Variants in TLL1 observed in about 807,000 individuals in gnomAD.
TLL1 encodes the protein tolloid like 1.
Under a neutral mutation model 128.2 loss-of-function variants are expected in TLL1, and 49 were observed. The ratio of observed to expected loss-of-function variants is 0.38; its 90% CI spans 0.30 to 0.48. The LOEUF is 0.48. Ranked by LOEUF, TLL1 falls within the 20% of genes least tolerant of loss-of-function variation. TLL1 has a pLI of 0.96. For missense variants in TLL1, 1,123 were observed against 1,242.0 expected (o/e 0.90, Z 1.44); for synonymous variants, 454 against 418.8 (o/e 1.08, Z -1.03).
chr4:166,073,181 G>A (rs1187470101), intron 16 of TLL1, among the ~76,000 whole-genome samples: 1 of 151,776 alleles, frequency 6.6e-6, no homozygotes, highest in Non-Finnish European at 1.5e-5. Flanking sequence ...AAGGTAAAGA[G>A]CCTCTAGAAA....
intron 8 of TLL1, among the ~76,000 whole-genome samples, chr4:166,019,568 T>C (rs1463780539): frequency 1.3e-5 from 2 of 152,162 alleles, no homozygotes; most frequent in African/African-American, 4.8e-5. Context: ...TTGTAGAGGT[T>C]AATCTTGAAA....
At chr4:165,899,961 C>A (rs141066287) in intron 1 of TLL1, among the ~76,000 whole-genome samples, 140 of 151,950 alleles carry the variant, frequency 9.2e-4, no homozygotes, top group African/African-American at 3.3e-3. Context: ...GATCCCTTTA[C>A]CATTATGTAA....
chr4:165,990,200 G>C (rs947257210), intron 2 of TLL1, among the ~76,000 whole-genome samples: 3 of 151,508 alleles, frequency 2.0e-5, no homozygotes, highest in African/African-American at 7.3e-5. Flanking sequence ...GTAGTATCTT[G>C]GTAAAATTTT....
intron 1 of TLL1, among the ~76,000 whole-genome samples, chr4:165,882,441 G>A (rs938009591): frequency 4.0e-5 from 6 of 151,866 alleles, no homozygotes; most frequent in Non-Finnish European, 7.4e-5. Context: ...AAGACCTAGT[G>A]GAAAATTTTC....
chr4:166,070,066 T>C (rs1026707629), intron 16 of TLL1, among the ~76,000 whole-genome samples: 2 of 151,844 alleles, frequency 1.3e-5, no homozygotes, highest in Admixed American at 6.6e-5. Flanking sequence ...CTAGAAGATA[T>C]ATAGTCCAAC....
chr4:166,033,774 G>T (rs1416851711), intron 9 of TLL1, among the ~76,000 whole-genome samples: 2 of 152,150 alleles, frequency 1.3e-5, no homozygotes, highest in African/African-American at 4.8e-5. Context: ...CATGGTTCAT[G>T]CTGGCAACAA....
At chr4:165,947,566 G>T (rs1734316847) in intron 1 of TLL1, among the ~76,000 whole-genome samples, 1 of 152,094 alleles carries the variant, frequency 6.6e-6, no homozygotes, top group South Asian at 2.1e-4. Context: ...TGTCAGCAAA[G>T]AATGCACTGG....
rs911584584 is a variant in TLL1 at position 166,030,532 on chromosome 4, T to A, written c.1158+5101T>A. Reference sequence around the variant, plus strand: ...TGATGTCATACCACTTGTCTACTTTTAGTTTTATTGCCTGTGCTTTTGGTG... The same window carrying A: ...TGATGTCATACCACTTGTCTACTTTAAGTTTTATTGCCTGTGCTTTTGGTG... On this transcript the variant is annotated intron_variant, in intron 9 of 20. Transcript: ENST00000061240. 3 of 612,204 alleles carry A rather than the reference T, an allele frequency of 4.9e-6. No homozygotes were observed. In the African/African-American group the frequency reaches 5.5e-5, roughly 11 times the overall value. 37.9% of individuals were successfully genotyped at this position (612,204 alleles called of 1,614,324 possible).
chr4:165,971,609 C>CT (rs1430894306), intron 1 of TLL1, among the ~76,000 whole-genome samples: 1 of 152,180 alleles, frequency 6.6e-6, no homozygotes, highest in East Asian at 1.9e-4. Flanking sequence ...TCTCTGAATG[C>CT]TGAGAGTCCA....
At chr4:166,081,217 G>T (rs1305568428) in intron 18 of TLL1, among the ~76,000 whole-genome samples, 1 of 152,048 alleles carries the variant, frequency 6.6e-6, no homozygotes, top group African/African-American at 2.4e-5. Flanking sequence ...TTTGTTTTTG[G>T]TTTTATTTTG....
chr4:165,892,421 C>G (rs933265241), intron 1 of TLL1, among the ~76,000 whole-genome samples: 1 of 152,142 alleles, frequency 6.6e-6, no homozygotes, highest in African/African-American at 2.4e-5. Flanking sequence ...GTAAGAGGCA[C>G]CATAATGCTT....
chr4:166,090,811 T>A (rs751327002), intron 18 of TLL1, among the ~76,000 whole-genome samples: 7 of 152,074 alleles, frequency 4.6e-5, no homozygotes, highest in Non-Finnish European at 8.8e-5. Context: ...TTCTGATGAA[T>A]CCTTTGGATT....
chr4:166,044,579 T>C, intron 12 of TLL1: 1 of 684,102 alleles, frequency 1.5e-6, no homozygotes, highest in Non-Finnish European at 2.3e-6. Flanking sequence ...CATTTTTTTT[T>C]TGTACTTTTG....
chr4:166,060,144 A>G lies in TLL1; in HGVS notation c.1963A>G (p.Arg655Gly). 1 of 1,613,886 alleles carries G rather than the reference A, an allele frequency of 6.2e-7. No individual in the cohort carries two copies. The highest frequency in any genetic ancestry group is 8.5e-7 in the Non-Finnish European group (1 of 1,179,888). ...VWQVVAPTQY[R>G]ISVKFEFFEL... ...GCAAGTGGTTGCACCAACCCAGTAC[A>G]GAATTTCTGTGAAGTTTGAGTTTTT... The change falls in exon 15 of 21, where the codon AGA becomes GGA. Residue 655 changes from arginine (R) to glycine (G), a missense_variant. This residue lies in a region of TLL1 where 634 missense variants were observed against 672.4 expected (regional missense o/e 0.94). Transcript: ENST00000061240.
At chr4:166,082,146 G>GT (rs1295833804) in intron 18 of TLL1, among the ~76,000 whole-genome samples, 2 of 152,116 alleles carry the variant, frequency 1.3e-5, no homozygotes, top group Admixed American at 6.6e-5. Flanking sequence ...TGTAAGCCAG[G>GT]TTTTTTCAAA....
At position 165,959,720 on chromosome 4, in the gene TLL1, A is replaced by G. The variant is rs80150306; in HGVS notation, c.170-29661A>G. On this transcript the variant is annotated intron_variant, in intron 1 of 20. Coordinates refer to ENST00000061240, the MANE Select transcript of TLL1 (RefSeq NM_012464.5). The stretch of plus-strand genomic sequence containing the variant: ...AAAACCACACTATTGCATGGAAATT[A>G]AACAACTTGCTCCTGAATGACTTGG... Among the ~76,000 whole-genome samples, 790 of 152,246 alleles carry G rather than the reference A, an allele frequency of 5.2e-3. 13 individuals carry two copies. The highest frequency in any genetic ancestry group is 0.018 in the African/African-American group (735 of 41,560).
intron 7 of TLL1, among the ~76,000 whole-genome samples, chr4:166,011,031 A>G (rs1463147322): frequency 6.6e-6 from 1 of 151,134 alleles, no homozygotes; most frequent in East Asian, 1.9e-4. Flanking sequence ...CCAATACTGC[A>G]CTGTTTTGAT....
intron 9 of TLL1, among the ~76,000 whole-genome samples, chr4:166,035,330 A>AT (rs531121648): frequency 1.2e-3 from 177 of 152,260 alleles, no homozygotes; most frequent in African/African-American, 4.1e-3. Context: ...TATTTTATAT[A>AT]TTTTTTCAGG....
In TLL1 at chr4:165,931,524, T is replaced by C. The variant is rs370023235; in HGVS notation, c.169+57451T>C. ...ACGAGGTCAGGAGATTGAGACCTCC[T>C]GGCCAACACGGTGAAACCCCGTCTC... On this transcript the variant is annotated intron_variant, in intron 1 of 20. Coordinates refer to ENST00000061240, the MANE Select transcript of TLL1 (RefSeq NM_012464.5). Among the ~76,000 whole-genome samples the C allele has an allele frequency of 3.0e-3, 462 of 151,876 alleles. 2 individuals carry two copies. The highest frequency in any genetic ancestry group is 0.011 in the African/African-American group (439 of 41,358).
Sources: allele counts gnomAD v4.1 joint callset (sites outside exome capture counted in the v4.1 genomes callset), GRCh38; gene constraint gnomAD v4.1.1; regional missense constraint gnomAD v4.1.1; transcripts MANE v1.5; gene names NCBI Gene and HGNC (gene_info 2026-07-23, HGNC 2026-07-21).